The following CCDC174 variants were observed in gnomAD, a reference collection of about 807,000 sequenced individuals.
CCDC174 encodes coiled-coil domain-containing protein 174.
In CCDC174, 37 loss-of-function variants were observed where a neutral mutation model predicts 57.1. The ratio of observed to expected loss-of-function variants is 0.65; its 90% CI spans 0.50 to 0.85. The LOEUF (loss-of-function observed/expected upper bound fraction) is 0.85, where lower values mean the gene tolerates loss of function less well. CCDC174 is among the 40% of genes least tolerant of loss of function. The pLI is 0.00. For missense variants in CCDC174, 540 were observed against 574.3 expected, an observed-to-expected ratio of 0.94 and a Z score of 0.61; for synonymous variants, 182 against 190.2, an observed-to-expected ratio of 0.96 and a Z score of 0.35.
chr3:14,667,909 G>T (rs1015142691), intron 8 of CCDC174, 140 bp from the exon 9 acceptor site: 8 of 747,968 alleles, frequency 1.1e-5, no homozygotes, highest in African/African-American at 1.8e-5. Flanking sequence ...GGGCTTCATT[G>T]TGAGGATCTC....
At chr3:14,670,204 T>C in intron 10 of CCDC174, 118 bp downstream of exon 10, 1 of 993,322 alleles carries the variant, frequency 1.0e-6, no homozygotes, top group Non-Finnish European at 1.5e-6. Context: ...TTTACAGCTT[T>C]GGAATGCCAT....
intron 7 of CCDC174, 22 bp from the exon 8 acceptor site, chr3:14,667,402 G>C: frequency 6.3e-7 from 1 of 1,585,116 alleles, no homozygotes; most frequent in Non-Finnish European, 8.7e-7. Flanking sequence ...CTGATCTTTT[G>C]GGTAATTCAT....
chr3:14,652,081 C>T (rs527852461), intron 1 of CCDC174, among the ~76,000 whole-genome samples: 1 of 152,190 alleles, frequency 6.6e-6, no homozygotes, highest in Non-Finnish European at 1.5e-5. Flanking sequence ...GGCTACTCTC[C>T]TCTGACATGC....
Position 14,651,903 on chromosome 3 carries a change from C to T in CCDC174, c.42+25C>T, listed in dbSNP as rs1264966193. 6 of 1,611,354 alleles carry T rather than the reference C, an allele frequency of 3.7e-6. No homozygotes were observed. In the African/African-American group the frequency reaches 4.0e-5, roughly 11 times the overall value. On this transcript the variant is annotated intron_variant, in intron 1 of 10. Coordinates refer to ENST00000383794, the MANE Select transcript of CCDC174 (RefSeq NM_016474.5). ...GGTGAGTGAGGGTATGAGGTAACTC[C>T]ACGGGCTCCGGGTTCACCGTGTCTC... is the stretch of plus-strand genomic sequence containing the variant.
At chr3:14,652,268 C>T (rs975475141) in intron 1 of CCDC174, among the ~76,000 whole-genome samples, 3 of 152,170 alleles carry the variant, frequency 2.0e-5, no homozygotes, top group Non-Finnish European at 2.9e-5. Flanking sequence ...CCTGGTTTCT[C>T]CTCCATCCAG....
chr3:14,666,208 C>G (rs1045924144), intron 6 of CCDC174, among the ~76,000 whole-genome samples: 1 of 152,146 alleles, frequency 6.6e-6, no homozygotes, highest in African/African-American at 2.4e-5. Flanking sequence ...GTTCCTCCTC[C>G]CTGCCTGGGC....
At chr3:14,666,513 C>T (rs773016657) in intron 6 of CCDC174, among the ~76,000 whole-genome samples, 5 of 152,034 alleles carry the variant, frequency 3.3e-5, no homozygotes, top group Admixed American at 6.6e-5. Flanking sequence ...ATCCCAGCTA[C>T]TCGGGAGGCT....
In CCDC174 at chr3:14,665,123, TGTAA is replaced by T. The variant is rs2031273003; in HGVS notation, c.581+3_581+6del. 1 of 1,604,076 alleles carries T rather than the reference TGTAA, an allele frequency of 6.2e-7. No individual in the cohort carries two copies. ...ATGGATAAAAATCTTCAGGGGAGAC[TGTAA>T]GTGTGTGTGGTATACAGAGCTCTGC... On this transcript the variant is annotated splice_donor_variant and splice_donor_region_variant and intron_variant, in intron 6 of 10. Transcript: ENST00000383794. LOFTEE classifies it high-confidence loss of function.
intron 3 of CCDC174, among the ~76,000 whole-genome samples, chr3:14,658,559 T>A (rs1014365880): frequency 6.6e-5 from 10 of 152,260 alleles, no homozygotes; most frequent in Non-Finnish European, 1.2e-4. Context: ...AGTCAGTTGA[T>A]CCACTTATTC....
intron 1 of CCDC174, among the ~76,000 whole-genome samples, chr3:14,652,873 A>G (rs894538645): frequency 4.6e-5 from 6 of 129,858 alleles, no homozygotes; most frequent in South Asian, 5.3e-4. Context: ...TTGCACTCCA[A>G]CCTGGGCAAC....
chr3:14,661,508 A>T, intron 4 of CCDC174, 22 bp from the exon 5 acceptor site: 1 of 1,577,896 alleles, frequency 6.3e-7, no homozygotes, highest in Non-Finnish European at 8.6e-7. Context: ...TTGATGTCTG[A>T]AAACTGATTT....
chr3:14,659,735 C>T (rs1320583142), intron 4 of CCDC174, among the ~76,000 whole-genome samples: 2 of 152,054 alleles, frequency 1.3e-5, no homozygotes, highest in African/African-American at 4.8e-5. Context: ...TTCTCATATC[C>T]CCCAGAAAAA....
Position 14,661,646 on chromosome 3 carries a change from G to C in CCDC174, c.424G>C (p.Asp142His), listed in dbSNP as rs140061546. 6.2e-7 allele frequency: 1 copy of C among 1,614,202 alleles called. No individual in the cohort carries two copies. Among genetic ancestry groups the C allele is most frequent in the African/African-American group, 1.3e-5 (1 of 75,062 alleles). ...RDSQKAGERD[D>H]DEENLPEGEI... ...TTCTCAAAAGGCAGGAGAAAGGGAC[G>C]ACGATGAGGAAAACCTTCCTGAGGG... is the stretch of plus-strand genomic sequence containing the variant. Residue 142 changes from aspartate (D) to histidine (H), a missense_variant, in exon 5 of 11, where the codon GAC becomes CAC. Physicochemically the swap from Asp to His is moderately conservative, Grantham distance 81 (BLOSUM62 -1). Coordinates refer to ENST00000383794, the MANE Select transcript of CCDC174 (RefSeq NM_016474.5).
rs756167959 is a variant in CCDC174, at chr3:14,666,948, G to A, written c.724+1G>A. 6.4e-7 allele frequency: 1 copy of A among 1,572,964 alleles called. No homozygotes were observed. The highest frequency in any genetic ancestry group is 8.6e-7 in the Non-Finnish European group (1 of 1,167,698). On this transcript the variant is annotated splice_donor_variant, in intron 7 of 10. Coordinates refer to ENST00000383794, the MANE Select transcript of CCDC174 (RefSeq NM_016474.5). LOFTEE classifies it high-confidence loss of function. ...CATTATGAAGACATTCGGGAAAATG[G>A]TATGACTATTTTCTTGCAGCTTTGC... is the stretch of plus-strand genomic sequence containing the variant.
rs375851471 is a variant in CCDC174 at position 14,651,792 on chromosome 3, C to G, written c.-45C>G. 5 of 1,606,912 alleles carry G rather than the reference C, an allele frequency of 3.1e-6. No individual in the cohort carries two copies. Among genetic ancestry groups the G allele is most frequent in the Admixed American group, 1.7e-5 (1 of 59,990 alleles). ...GGAGGTAGGCTTACGAGGCCTGTGT[C>G]GGGTAGAAAGGGTCCTTCCTGGACC... is the stretch of plus-strand genomic sequence containing the variant. On this transcript the variant is annotated 5_prime_UTR_variant, in exon 1 of 11. Transcript: ENST00000383794.
Position 14,671,431 on chromosome 3 carries a change from T to C in CCDC174, c.*237T>C. 1 of 512,520 alleles carries C rather than the reference T, an allele frequency of 2.0e-6. No individual in the cohort carries two copies. The highest frequency in any genetic ancestry group is 3.5e-6 in the Non-Finnish European group (1 of 289,698). 31.7% of individuals were successfully genotyped at this position (512,520 alleles called of 1,614,324 possible). A position where few individuals can be genotyped will look rare whatever the true frequency, so the allele number is the denominator to read the frequency against. The stretch of plus-strand genomic sequence containing the variant: ...ACCTGGATTTACATGTGAGCTGCGA[T>C]AGAATAGAAGTATTTATTCTGTAAA... On this transcript the variant is annotated 3_prime_UTR_variant, in exon 11 of 11. Transcript: ENST00000383794.
chr3:14,659,415 A>G (rs1354196939), intron 4 of CCDC174, among the ~76,000 whole-genome samples: 3 of 152,010 alleles, frequency 2.0e-5, no homozygotes, highest in South Asian at 4.1e-4. Context: ...GTTTGGGTGT[A>G]GTGGCTTACG....
chr3:14,668,326 A>T (rs759559386), intron 9 of CCDC174, 145 bp downstream of exon 9: 1 of 714,882 alleles, frequency 1.4e-6, no homozygotes, highest in South Asian at 2.1e-5. Context: ...GGCAGGAGCA[A>T]TTTTTATAAC....
chr3:14,667,630 G>T, intron 8 of CCDC174, 112 bp downstream of exon 8: 1 of 803,764 alleles, frequency 1.2e-6, no homozygotes. Context: ...TTGATATTCA[G>T]AATTGCATAA....
Sources: allele counts gnomAD v4.1 joint callset (sites outside exome capture counted in the v4.1 genomes callset), GRCh38; gene constraint gnomAD v4.1.1; transcripts MANE v1.5; gene names NCBI Gene and HGNC (gene_info 2026-07-23, HGNC 2026-07-21).